Variants in BIN1 observed in about 807,000 individuals in gnomAD.
The protein encoded by BIN1 is bridging integrator 1, also known as myc box-dependent-interacting protein 1.
Under a neutral mutation model 82.0 loss-of-function variants are expected in BIN1, and 53 were observed. That is an observed-to-expected ratio of 0.65 (90% CI 0.52 to 0.81). The LOEUF (loss-of-function observed/expected upper bound fraction) is 0.81, where lower values mean the gene tolerates loss of function less well. Ranked by LOEUF, BIN1 falls within the 40% of genes least tolerant of loss-of-function variation. BIN1 has a pLI of 0.00. For missense variants in BIN1, 642 were observed against 784.4 expected (o/e 0.82, Z 2.17); for synonymous variants, 302 against 328.0 (o/e 0.92, Z 0.86).
At chr2:127,061,750 G>A (rs1485345741) in intron 10 of BIN1, among the ~76,000 whole-genome samples, 2 of 152,090 alleles carry the variant, frequency 1.3e-5, no homozygotes, top group Admixed American at 1.3e-4. Context: ...CCTGCTCTGA[G>A]AGGACTGCAC....
At chr2:127,063,424 C>T in intron 9 of BIN1, 147 bp downstream of exon 9, 2 of 878,172 alleles carry the variant, frequency 2.3e-6, no homozygotes, top group Non-Finnish European at 3.6e-6. Flanking sequence ...GGGGGCTGTT[C>T]CACAGGGCCG....
chr2:127,059,270 CTGTG>C lies in BIN1; in HGVS notation c.858-119_858-116del, dbSNP rs140171337. Reference sequence around the variant, plus strand: ...GGTGTGTGCATATGGAGGTGTGAAACTGTGTGTGTGTGTGTGTGTGTGTATGTGA... The same window carrying C: ...GGTGTGTGCATATGGAGGTGTGAAACTGTGTGTGTGTGTGTGTGTATGTGA... On this transcript the variant is annotated intron_variant, in intron 10 of 18. Coordinates refer to ENST00000316724, the MANE Select transcript of BIN1 (RefSeq NM_139343.3). The surrounding 1 kb of genome is among the most constrained non-coding windows in gnomAD (Gnocchi z 6.7). 23,283 of 834,782 alleles carry C rather than the reference CTGTG, an allele frequency of 0.028. 1 individual carries two copies. The highest frequency in any genetic ancestry group is 0.053 in the South Asian group (3,062 of 57,866). The allele number at this position is 834,782 out of a possible 1,614,324, so 51.7% of individuals were successfully genotyped here. A position where few individuals can be genotyped will look rare whatever the true frequency, so the allele number is the denominator to read the frequency against.
At chr2:127,048,742 G>T in intron 18 of BIN1, 109 bp from the exon 19 acceptor site, 1 of 1,043,990 alleles carries the variant, frequency 9.6e-7, no homozygotes, top group Non-Finnish European at 1.5e-6. Context: ...CCTGCTGTTG[G>T]TGCCTCAGCC....
intron 2 of BIN1, among the ~76,000 whole-genome samples, chr2:127,076,374 C>T (rs1351209074): frequency 6.9e-6 from 1 of 145,346 alleles, no homozygotes; most frequent in African/African-American, 2.5e-5. Context: ...ATCCCACCCT[C>T]CCCCTCCCCC....
chr2:127,105,505 C>CCTCCTCCT (rs1409812260), intron 1 of BIN1, among the ~76,000 whole-genome samples: 28 of 148,326 alleles, frequency 1.9e-4, no homozygotes, highest in Non-Finnish European at 2.7e-4. Flanking sequence ...CCTCCTCCTT[C>CCTCCTCCT]CCTGGGGTGG....
intron 17 of BIN1, 119 bp from the exon 18 acceptor site, chr2:127,050,641 C>T: frequency 7.4e-7 from 1 of 1,355,784 alleles, no homozygotes; most frequent in East Asian, 2.4e-5. Context: ...TGCTCAAAAG[C>T]AGCAGGACAG....
chr2:127,063,430 G>T, intron 9 of BIN1, 141 bp downstream of exon 9: 1 of 913,262 alleles, frequency 1.1e-6, no homozygotes, highest in Non-Finnish European at 1.7e-6. Context: ...TGTTCCACAG[G>T]GCCGGGAGGG....
intron 14 of BIN1, chr2:127,052,724 G>A (rs1007264147): frequency 6.1e-5 from 20 of 328,476 alleles, no homozygotes; most frequent in South Asian, 3.9e-4. Context: ...CCCCAAGGGC[G>A]CCTGCACACC....
intron 11 of BIN1, 95 bp downstream of exon 11, chr2:127,058,915 GA>G: frequency 6.6e-7 from 1 of 1,514,738 alleles, no homozygotes; most frequent in Non-Finnish European, 8.9e-7. Flanking sequence ...GCCCAGGCCA[GA>G]AAGGGGACAG....
chr2:127,062,702 T>C (rs1684661980), intron 9 of BIN1, among the ~76,000 whole-genome samples: 1 of 152,256 alleles, frequency 6.6e-6, no homozygotes, highest in East Asian at 1.9e-4. Flanking sequence ...CGAATCTTCA[T>C]CCTATTTATA....
At chr2:127,095,780 G>A (rs1173332318) in intron 1 of BIN1, among the ~76,000 whole-genome samples, 1 of 152,176 alleles carries the variant, frequency 6.6e-6, no homozygotes, top group African/African-American at 2.4e-5. Context: ...ACCTCACAGG[G>A]CACAGAGAGA....
chr2:127,089,490 T>C (rs992580145), intron 1 of BIN1, among the ~76,000 whole-genome samples: 1 of 152,110 alleles, frequency 6.6e-6, no homozygotes, highest in African/African-American at 2.4e-5. Flanking sequence ...TCACCTGAGA[T>C]GGGGACACGT....
In BIN1 at chr2:127,051,251, A is replaced by G. The variant is rs754027056; in HGVS notation, c.1372-8T>C. 3.7e-6 allele frequency: 6 copies of G among 1,613,662 alleles called. No individual in the cohort carries two copies. The East Asian group carries it at 1.1e-4, about 30-fold the overall frequency. ...CTCCGAGGCCTCTGCTGGCTGCAAC[A>G]TAAATGCCGGCTTGGGGTCAGACAC... On this transcript the variant is annotated splice_polypyrimidine_tract_variant and splice_region_variant and intron_variant, in intron 15 of 18. Coordinates refer to ENST00000316724, the MANE Select transcript of BIN1 (RefSeq NM_139343.3).
Position 127,090,361 on chromosome 2 carries a change from G to A in BIN1, c.85-13655C>T, listed in dbSNP as rs1678762239. ...CATCCCAGTGCCACCCCCGCAGGCA[G>A]GCAGCAAGGGCATGGCCGCGGGGCA... On this transcript the variant is annotated intron_variant, in intron 1 of 18. Coordinates refer to ENST00000316724, the MANE Select transcript of BIN1 (RefSeq NM_139343.3). This position sits in a 1 kb window ranked among gnomAD's most constrained non-coding sequence, Gnocchi z 6.4. 6.6e-6 allele frequency among the ~76,000 whole-genome samples: 1 copy of A among 152,224 alleles called. No individual in the cohort carries two copies.
intron 1 of BIN1, among the ~76,000 whole-genome samples, chr2:127,104,522 C>A (rs1680782069): frequency 6.6e-6 from 1 of 152,142 alleles, no homozygotes; most frequent in Admixed American, 6.5e-5. Context: ...TCCCAGCCTC[C>A]CAGCACAGCT....
At position 127,082,838 on chromosome 2, in the gene BIN1, G is replaced by A. The variant is rs1259628904; in HGVS notation, c.85-6132C>T. 2.0e-5 allele frequency among the ~76,000 whole-genome samples: 3 copies of A among 146,822 alleles called. No individual in the cohort carries two copies. Among genetic ancestry groups the A allele is most frequent in the African/African-American group, 7.6e-5 (3 of 39,582 alleles). ...CACCTCTGGGTGGAGAGTCTCGGTG[G>A]CCTCCAACAATCTAGGTGCCATGCA... is the stretch of plus-strand genomic sequence containing the variant. On this transcript the variant is annotated intron_variant, in intron 1 of 18. Transcript: ENST00000316724. This position sits in a 1 kb window ranked among gnomAD's most constrained non-coding sequence, Gnocchi z 6.1.
chr2:127,063,808 G>A, intron 8 of BIN1, 125 bp downstream of exon 8: 1 of 1,435,050 alleles, frequency 7.0e-7, no homozygotes, highest in Non-Finnish European at 9.8e-7. Flanking sequence ...ACACAGGCTG[G>A]GCACCGCAGC....
intron 1 of BIN1, among the ~76,000 whole-genome samples, chr2:127,104,345 A>G (rs1010954474): frequency 2.6e-5 from 4 of 152,164 alleles, no homozygotes; most frequent in African/African-American, 9.7e-5. Flanking sequence ...CAACAGTCAA[A>G]AAAGAGCTGG....
At chr2:127,102,008 G>T (rs952190069) in intron 1 of BIN1, among the ~76,000 whole-genome samples, 1 of 152,138 alleles carries the variant, frequency 6.6e-6, no homozygotes, top group African/African-American at 2.4e-5. Flanking sequence ...GGCATTCAAT[G>T]AGCACTTGCT....
Sources: gnomAD v4.1 joint callset for allele counts (sites outside exome capture counted in the v4.1 genomes callset) on GRCh38, gnomAD v4.1.1 for gene constraint, Gnocchi (gnomAD v3.1) non-coding constraint, MANE v1.5 for transcripts, NCBI Gene and HGNC (gene_info 2026-07-23, HGNC 2026-07-21) for gene names.